The following WDR3 variants were observed in gnomAD, a reference collection of about 807,000 sequenced individuals.
WDR3 encodes WD repeat-containing protein 3.
WDR3 carries 81 observed loss-of-function variants against 123.7 expected under a neutral mutation model. That is an observed-to-expected ratio of 0.65 (90% CI 0.55 to 0.79). The LOEUF is 0.79. Ranked by LOEUF, WDR3 falls within the 30% of genes least tolerant of loss-of-function variation. The pLI, the probability that WDR3 is intolerant of heterozygous loss-of-function variation, is 0.00. For missense variants in WDR3, 1,027 were observed against 1,123.2 expected (o/e 0.91, Z 1.22); for synonymous variants, 390 against 388.8 (o/e 1.00, Z -0.04).
chr1:117,934,997 A>T (rs1038639528), intron 3 of WDR3, among the ~76,000 whole-genome samples: 2 of 152,256 alleles, frequency 1.3e-5, no homozygotes, highest in African/African-American at 4.8e-5. Context: ...AAGAAGAGAC[A>T]AAATAATTAT....
rs1653331630 is a variant in WDR3, at chr1:117,963,176, T to A, written c.*3729T>A. The A allele has an allele frequency of 6.6e-6, 1 of 152,154 alleles. No individual in the cohort carries two copies. The highest frequency in any genetic ancestry group is 1.5e-5 in the Non-Finnish European group (1 of 68,048). 9.4% of individuals were successfully genotyped at this position (152,154 alleles called of 1,614,324 possible). On this transcript the variant is annotated 3_prime_UTR_variant, in exon 27 of 27. Coordinates refer to ENST00000349139, the MANE Select transcript of WDR3 (RefSeq NM_006784.3). ...ACATAGGGCCTGGCAGTGTTGCCCTTGTGTATCCCTTCCCCTTGAGTATGG... is the reference window on the plus strand; with the variant it reads ...ACATAGGGCCTGGCAGTGTTGCCCTAGTGTATCCCTTCCCCTTGAGTATGG...
At chr1:117,931,087 T>C (rs1650700128) in intron 1 of WDR3, among the ~76,000 whole-genome samples, 1 of 152,188 alleles carries the variant, frequency 6.6e-6, no homozygotes, top group African/African-American at 2.4e-5. Context: ...TGCGTCACCA[T>C]GCCTGGTTAA....
intron 8 of WDR3, 52 bp from the exon 9 acceptor site, chr1:117,941,698 G>A: frequency 1.3e-6 from 2 of 1,573,686 alleles, no homozygotes. Context: ...TGAGAATTAG[G>A]TAAATTACAA....
Position 117,952,569 on chromosome 1 carries a change from T to G in WDR3, c.2058T>G (p.Ser686Arg), listed in dbSNP as rs766640817. 2.5e-6 allele frequency: 4 copies of G among 1,613,604 alleles called. No homozygotes were observed. Among genetic ancestry groups the G allele is most frequent in the Non-Finnish European group, 3.4e-6 (4 of 1,179,646 alleles). ...TATGGTGTTTGGCTGTAAGCCCCAG[T>G]GGAGACTATGTTGTATCATCGTCCC... ...QEIWCLAVSP[S>R]GDYVVSSSHD... is the part of the protein sequence containing the mutation. Residue 686 changes from serine to arginine, a missense_variant, in exon 19 of 27, where the codon AGT becomes AGG. By Grantham distance (110) the Ser-to-Arg change is moderately radical. Transcript: ENST00000349139.
In WDR3 at chr1:117,959,711, T is replaced by C. The variant is rs2101335044; in HGVS notation, c.*264T>C. On this transcript the variant is annotated 3_prime_UTR_variant, in exon 27 of 27. Coordinates refer to ENST00000349139, the MANE Select transcript of WDR3 (RefSeq NM_006784.3). ...GCTTGAGCCTTGCAGCTCAAGCTTG[T>C]TGTTCCCTTTATATTCTAGCAGGGA... 1 of 291,062 alleles carries C rather than the reference T, an allele frequency of 3.4e-6. No homozygotes were observed. The highest frequency in any genetic ancestry group is 5.9e-5 in the East Asian group (1 of 17,030). 18.0% of individuals were successfully genotyped at this position (291,062 alleles called of 1,614,324 possible).
chr1:117,952,102 C>T, intron 17 of WDR3, 26 bp downstream of exon 17: 1 of 1,599,562 alleles, frequency 6.3e-7, no homozygotes, highest in Non-Finnish European at 8.5e-7. Flanking sequence ...TCAAATGTCT[C>T]CCTTTGAGTC....
chr1:117,937,603 G>GA (rs1361527765), intron 4 of WDR3, among the ~76,000 whole-genome samples: 1 of 152,058 alleles, frequency 6.6e-6, no homozygotes, highest in Non-Finnish European at 1.5e-5. Context: ...AGTTCTAATA[G>GA]AAAAAATATA....
intron 13 of WDR3, 148 bp downstream of exon 13, chr1:117,948,654 A>ACCTGTCAT (rs977586012): frequency 3.3e-5 from 16 of 487,526 alleles, no homozygotes; most frequent in Middle Eastern, 5.4e-4. Flanking sequence ...ATAAATGACC[A>ACCTGTCAT]CCTGTCATTA....
At chr1:117,954,185 A>T (rs578234049) in intron 22 of WDR3, 86 bp downstream of exon 22, 2 of 1,111,794 alleles carry the variant, frequency 1.8e-6, no homozygotes, top group African/African-American at 3.1e-5. Flanking sequence ...ATTAACTAAG[A>T]TCAGGATATG....
Position 117,934,482 on chromosome 1 carries a change from C to T in WDR3, c.181C>T (p.Leu61Phe). The change falls in exon 3 of 27, where the codon CTT becomes TTT. Residue 61 changes from leucine to phenylalanine, a missense_variant. Transcript: ENST00000349139. ...ATTTTTATGATTTCAGATTCTTATC[C>T]TTCAGGGGCTTAAACAAGAAGTTAC... The part of the protein sequence containing the change: ...DLRKGEKILI[L>F]QGLKQEVTCL... 1 of 1,613,780 alleles carries T rather than the reference C, an allele frequency of 6.2e-7. No individual in the cohort carries two copies. Among genetic ancestry groups the T allele is most frequent in the Middle Eastern group, 1.7e-4 (1 of 5,854 alleles).
intron 5 of WDR3, 116 bp downstream of exon 5, chr1:117,938,674 T>G: frequency 1.2e-6 from 1 of 850,032 alleles, no homozygotes; most frequent in Admixed American, 2.9e-5. Flanking sequence ...AATTATCATA[T>G]GCCATCTTGA....
chr1:117,939,392 G>T (rs75472846), intron 5 of WDR3, 85 bp from the exon 6 acceptor site: 1 of 1,363,848 alleles, frequency 7.3e-7, no homozygotes, highest in Non-Finnish European at 1.0e-6. Context: ...ATTTTACTAC[G>T]GTGTAACAGA....
Position 117,934,475 on chromosome 1 carries a change from T to G in WDR3, c.174T>G (p.Ile58Met). ...FIWDLRKGEKILILQGLKQEV... is the reference protein window; with the variant it reads ...FIWDLRKGEKMLILQGLKQEV... Reference sequence around the variant, plus strand: ...GTTTTTAATTTTTATGATTTCAGATTCTTATCCTTCAGGGGCTTAAACAAG... The same window carrying G: ...GTTTTTAATTTTTATGATTTCAGATGCTTATCCTTCAGGGGCTTAAACAAG... The change falls in exon 3 of 27, where the codon ATT (isoleucine) becomes ATG (methionine). Residue 58 changes from isoleucine to methionine, a missense_variant and splice_region_variant. By Grantham distance (10) the Ile-to-Met change is conservative. Coordinates refer to ENST00000349139, the MANE Select transcript of WDR3 (RefSeq NM_006784.3). 1 of 1,613,746 alleles carries G rather than the reference T, an allele frequency of 6.2e-7. No individual in the cohort carries two copies. The highest frequency in any genetic ancestry group is 2.2e-5 in the East Asian group (1 of 44,886).
intron 1 of WDR3, among the ~76,000 whole-genome samples, chr1:117,932,172 A>G (rs1026040648): frequency 1.3e-5 from 2 of 152,222 alleles, no homozygotes; most frequent in Admixed American, 1.3e-4. Flanking sequence ...CCAGTGGATT[A>G]TGGATTTTCA....
intron 25 of WDR3, among the ~76,000 whole-genome samples, chr1:117,957,709 T>C (rs984161711): frequency 2.6e-5 from 4 of 152,362 alleles, no homozygotes; most frequent in African/African-American, 2.4e-5. Context: ...TTTGTTGTTG[T>C]TGTTCATCAG....
At position 117,959,332 on chromosome 1, in the gene WDR3, A is replaced by G. The variant is rs1223239056; in HGVS notation, c.2717A>G (p.Lys906Arg). The G allele has an allele frequency of 1.2e-6, 2 of 1,613,942 alleles. No individual in the cohort carries two copies. The highest frequency in any genetic ancestry group is 4.5e-5 in the East Asian group (2 of 44,870). Residue 906 changes from lysine (K) to arginine (R), a missense_variant, in exon 27 of 27, where the codon AAG (lysine) becomes AGG (arginine). Physicochemically the swap from Lys to Arg is conservative, Grantham distance 26. Coordinates refer to ENST00000349139, the MANE Select transcript of WDR3 (RefSeq NM_006784.3). The part of the protein sequence containing the change: ...GFNMAGLDYL[K>R]RECEAKSEVM... ...AATATGGCTGGTCTTGATTATCTCA[A>G]GAGGGAATGCGAGGCAAAAAGTGAA...
In WDR3 at chr1:117,952,992, C is replaced by CAGCA. The variant is rs1651694071; in HGVS notation, c.2199_2202dup (p.Val735SerfsTer9). The CAGCA allele has an allele frequency of 1.2e-6, 2 of 1,612,846 alleles. No individual in the cohort carries two copies. On this transcript the variant is annotated frameshift_variant, in exon 20 of 27. Transcript: ENST00000349139. LOFTEE classifies it high-confidence loss of function. ...GAGAGTGTGGCCAAAGAAGACCAAC[C>CAGCA]AGCAGTAAGTAAATTTTGGGGACCT...
intron 1 of WDR3, among the ~76,000 whole-genome samples, chr1:117,930,688 G>GA (rs1650680414): frequency 6.6e-6 from 1 of 152,216 alleles, no homozygotes; most frequent in African/African-American, 2.4e-5. Flanking sequence ...AGCTGGAACT[G>GA]AAAGTGCTGG....
chr1:117,949,463 TG>T (rs1370928805), intron 13 of WDR3, among the ~76,000 whole-genome samples: 3 of 152,326 alleles, frequency 2.0e-5, no homozygotes, highest in Non-Finnish European at 4.4e-5. Context: ...TTTTTCAAAC[TG>T]GTTTACTGAG....
Sources: allele counts gnomAD v4.1 joint callset (sites outside exome capture counted in the v4.1 genomes callset), GRCh38; gene constraint gnomAD v4.1.1; transcripts MANE v1.5; gene names NCBI Gene and HGNC (gene_info 2026-07-23, HGNC 2026-07-21).